FRMD4B: variants seen among roughly 807,000 people sequenced by gnomAD.
FRMD4B encodes FERM domain-containing protein 4B.
FRMD4B carries 74 observed loss-of-function variants against 141.5 expected under a neutral mutation model. That is an observed-to-expected ratio of 0.52 (90% CI 0.43 to 0.63). The LOEUF (loss-of-function observed/expected upper bound fraction) is 0.63, where lower values mean the gene tolerates loss of function less well. FRMD4B is among the 30% of genes least tolerant of loss of function. FRMD4B has a pLI of 0.00. For missense variants in FRMD4B, 1,366 were observed against 1,253.4 expected, an observed-to-expected ratio of 1.09 and a Z score of -1.36; for synonymous variants, 506 against 467.9, an observed-to-expected ratio of 1.08 and a Z score of -1.05.
rs1455249916 is a variant in FRMD4B, at chr3:69,310,563, C to T, written c.323+700G>A. On this transcript the variant is annotated intron_variant, in intron 3 of 22. Transcript: ENST00000398540. ...AGATACACACAGACAAACACACACA[C>T]ACACACACACACACACACAGAGAGA... The T allele has an allele frequency of 4.8e-5, 11 of 228,592 alleles. 1 individual carries two copies. 14.2% of individuals were successfully genotyped at this position (228,592 alleles called of 1,614,324 possible).
chr3:69,313,636 G>T, intron 1 of FRMD4B, 119 bp from the exon 2 acceptor site: 1 of 646,968 alleles, frequency 1.5e-6, no homozygotes, highest in Non-Finnish European at 2.7e-6. Flanking sequence ...CTTTAGTTGA[G>T]TTAATAAACA....
chr3:69,244,983 T>G (rs2093412844), intron 7 of FRMD4B, among the ~76,000 whole-genome samples: 3 of 152,228 alleles, frequency 2.0e-5, no homozygotes, highest in Admixed American at 2.0e-4. Context: ...CCATTATTTA[T>G]ATGGGAAACA....
intron 1 of FRMD4B, among the ~76,000 whole-genome samples, chr3:69,458,963 C>T (rs1467815643): frequency 6.6e-6 from 1 of 151,628 alleles, no homozygotes; most frequent in Non-Finnish European, 1.5e-5. Context: ...TGCTGACTCA[C>T]TCTGAAATGG....
intron 1 of FRMD4B, among the ~76,000 whole-genome samples, chr3:69,506,091 T>C (rs1282505503): frequency 6.6e-6 from 1 of 152,318 alleles, no homozygotes; most frequent in Admixed American, 6.5e-5. Context: ...CTTCCTCCAC[T>C]GACCTTTCTG....
At chr3:69,471,848 T>A (rs1705897099) in intron 1 of FRMD4B, 1 of 155,360 alleles carries the variant, frequency 6.4e-6, no homozygotes, top group South Asian at 2.0e-4. Flanking sequence ...AAGAAAAACA[T>A]CTGTGTTGGG....
At chr3:69,417,304 G>A (rs1704884515) in intron 2 of FRMD4B, among the ~76,000 whole-genome samples, 1 of 152,180 alleles carries the variant, frequency 6.6e-6, no homozygotes, top group Non-Finnish European at 1.5e-5. Flanking sequence ...AATGACCAGT[G>A]ACGATGAGCT....
At chr3:69,504,724 G>C (rs1706566956) in intron 1 of FRMD4B, among the ~76,000 whole-genome samples, 2 of 152,114 alleles carry the variant, frequency 1.3e-5, no homozygotes, top group Non-Finnish European at 1.5e-5. Flanking sequence ...GGATATTTGG[G>C]TTGTTTCCAA....
At chr3:69,248,044 G>A (rs1247165174) in intron 7 of FRMD4B, among the ~76,000 whole-genome samples, 5 of 144,938 alleles carry the variant, frequency 3.4e-5, no homozygotes, top group African/African-American at 7.7e-5. Context: ...CTCCCTCCTC[G>A]GCCTCCCAAA....
chr3:69,223,765 G>C (rs1278784476), intron 8 of FRMD4B, among the ~76,000 whole-genome samples: 1 of 152,094 alleles, frequency 6.6e-6, no homozygotes, highest in Admixed American at 6.6e-5. Context: ...CTTGAACCAG[G>C]TTGCAGTGAG....
chr3:69,212,434 A>T (rs1432283204), intron 11 of FRMD4B, among the ~76,000 whole-genome samples: 1 of 149,894 alleles, frequency 6.7e-6, no homozygotes, highest in Non-Finnish European at 1.5e-5. Flanking sequence ...TGGACTGTGT[A>T]GGGTCTTTTT....
At chr3:69,237,253 G>A (rs1024136165) in intron 7 of FRMD4B, among the ~76,000 whole-genome samples, 1 of 152,216 alleles carries the variant, frequency 6.6e-6, no homozygotes, top group Admixed American at 6.5e-5. Context: ...ACACCCAGCT[G>A]GCTGTGCCAG....
intron 1 of FRMD4B, among the ~76,000 whole-genome samples, chr3:69,477,006 G>T (rs1706013360): frequency 2.6e-5 from 4 of 152,042 alleles, no homozygotes; most frequent in South Asian, 2.1e-4. Flanking sequence ...CTCTCTGTTT[G>T]TCTGTTTTTG....
intron 5 of FRMD4B, among the ~76,000 whole-genome samples, chr3:69,276,618 A>G (rs2093619027): frequency 6.6e-6 from 1 of 152,180 alleles, no homozygotes; most frequent in South Asian, 2.1e-4. Flanking sequence ...TTGGCTTTCA[A>G]GAGAACTTTG....
At chr3:69,225,955 T>A (rs1020743230) in intron 7 of FRMD4B, among the ~76,000 whole-genome samples, 7 of 152,136 alleles carry the variant, frequency 4.6e-5, no homozygotes, top group Non-Finnish European at 8.8e-5. Context: ...TACCCTTCGA[T>A]GAAAGGCTCC....
chr3:69,422,286 G>T (rs570601923), intron 2 of FRMD4B, among the ~76,000 whole-genome samples: 1 of 151,874 alleles, frequency 6.6e-6, no homozygotes, highest in African/African-American at 2.4e-5. Flanking sequence ...CCAGCTACTC[G>T]GGAGGCTGAG....
intron 1 of FRMD4B, among the ~76,000 whole-genome samples, chr3:69,331,828 G>A (rs1016926229): frequency 2.0e-5 from 3 of 152,118 alleles, no homozygotes; most frequent in Admixed American, 2.0e-4. Context: ...GGTGGCTCAC[G>A]CCTATAATCC....
intron 1 of FRMD4B, among the ~76,000 whole-genome samples, chr3:69,518,855 G>A (rs187784080): frequency 6.6e-6 from 1 of 152,180 alleles, no homozygotes; most frequent in Non-Finnish European, 1.5e-5. Context: ...TAAGGTTCTG[G>A]TTCCTCTGAG....
intron 1 of FRMD4B, among the ~76,000 whole-genome samples, chr3:69,492,824 T>C (rs1463472806): frequency 1.3e-5 from 2 of 152,218 alleles, no homozygotes; most frequent in African/African-American, 4.8e-5. Context: ...TTTGCAAGCT[T>C]TCTAAATAGA....
At chr3:69,237,688 C>A (rs2093354463) in intron 7 of FRMD4B, among the ~76,000 whole-genome samples, 1 of 152,188 alleles carries the variant, frequency 6.6e-6, no homozygotes, top group African/African-American at 2.4e-5. Context: ...GACCTCTCAG[C>A]TTCTCTTTCA....
Sources: allele counts gnomAD v4.1 joint callset (sites outside exome capture counted in the v4.1 genomes callset), GRCh38; gene constraint gnomAD v4.1.1; transcripts MANE v1.5; gene names NCBI Gene and HGNC (gene_info 2026-07-23, HGNC 2026-07-21).